Variants in ZBTB7C observed in about 807,000 individuals in gnomAD.
ZBTB7C encodes the protein zinc finger and BTB domain-containing protein 7C.
In ZBTB7C, 8 loss-of-function variants were observed where a neutral mutation model predicts 25.7. The observed-to-expected ratio is 0.31, with a 90% CI of 0.18 to 0.56. ZBTB7C has a LOEUF of 0.56. ZBTB7C is among the 20% of genes least tolerant of loss of function. The probability of loss-of-function intolerance (pLI) is 0.91; values close to 1 mark genes in which losing one functional copy is unlikely to be tolerated. For synonymous variants in ZBTB7C, 394 were observed against 369.0 expected (o/e 1.07, Z -0.78); for missense variants, 824 against 855.2 (o/e 0.96, Z 0.46).
At chr18:48,113,000 C>A (rs1164688160) in intron 3 of ZBTB7C, among the ~76,000 whole-genome samples, 1 of 152,184 alleles carries the variant, frequency 6.6e-6, no homozygotes, top group East Asian at 1.9e-4. Flanking sequence ...TAGACAACAC[C>A]AGGCCCAACA....
chr18:48,079,934 GC>G (rs1371112532), intron 3 of ZBTB7C, among the ~76,000 whole-genome samples: 1 of 152,238 alleles, frequency 6.6e-6, no homozygotes, highest in African/African-American at 2.4e-5. Context: ...GGACTGCAGG[GC>G]ATGGGGCCAC....
chr18:48,085,384 C>T (rs893430473), intron 3 of ZBTB7C, among the ~76,000 whole-genome samples: 4 of 152,164 alleles, frequency 2.6e-5, no homozygotes, highest in Admixed American at 1.3e-4. Flanking sequence ...TCACTAGAGA[C>T]GTTTGTCACA....
chr18:48,375,181 T>G (rs929640537), intron 1 of ZBTB7C, among the ~76,000 whole-genome samples: 1 of 152,256 alleles, frequency 6.6e-6, no homozygotes, highest in African/African-American at 2.4e-5. Context: ...TAGTCTTTTG[T>G]GCCCTTGGGC....
At chr18:48,372,033 A>T (rs1310128341) in intron 1 of ZBTB7C, among the ~76,000 whole-genome samples, 1 of 151,946 alleles carries the variant, frequency 6.6e-6, no homozygotes, top group Non-Finnish European at 1.5e-5. Flanking sequence ...TGCAACCATA[A>T]CCCTGTGTCT....
intron 3 of ZBTB7C, among the ~76,000 whole-genome samples, chr18:48,166,071 GTTTATA>G (rs1315737845): frequency 6.6e-6 from 1 of 152,058 alleles, no homozygotes; most frequent in African/African-American, 2.4e-5. Flanking sequence ...TGTGGTAAAT[GTTTATA>G]TTTATATATG....
chr18:48,159,358 C>A (rs1024397358), intron 3 of ZBTB7C, among the ~76,000 whole-genome samples: 1 of 152,082 alleles, frequency 6.6e-6, no homozygotes, highest in Non-Finnish European at 1.5e-5. Flanking sequence ...AGGGATCTTA[C>A]GAGGATTCAA....
chr18:48,410,406 C>G (rs977736750), upstream of ZBTB7C, among the ~76,000 whole-genome samples: 7 of 152,302 alleles, frequency 4.6e-5, no homozygotes, highest in Admixed American at 3.9e-4. Flanking sequence ...AGCGTCCAAT[C>G]ACCGCGCAAC....
chr18:48,348,565 C>A (rs569106113), intron 1 of ZBTB7C, among the ~76,000 whole-genome samples: 2 of 152,318 alleles, frequency 1.3e-5, no homozygotes, highest in East Asian at 3.9e-4. Context: ...GCCTGTAATC[C>A]CAGCACTTTG....
At chr18:48,215,781 A>G (rs2042809344) in intron 2 of ZBTB7C, among the ~76,000 whole-genome samples, 1 of 152,234 alleles carries the variant, frequency 6.6e-6, no homozygotes, top group Non-Finnish European at 1.5e-5. Context: ...GGGATTTTCT[A>G]CAGAATGTAA....
Sources: gnomAD v4.1 joint callset for allele counts (sites outside exome capture counted in the v4.1 genomes callset) on GRCh38, gnomAD v4.1.1 for gene constraint, MANE v1.5 for transcripts, NCBI Gene and HGNC (gene_info 2026-07-23, HGNC 2026-07-21) for gene names.